Variants in RAB3C observed in about 807,000 individuals in gnomAD.
RAB3C encodes the protein ras-related protein Rab-3C.
A neutral mutation model predicts 26.4 loss-of-function variants in RAB3C; 17 were observed. The observed-to-expected ratio is 0.64, with a 90% confidence interval of 0.44 to 0.97. The LOEUF (loss-of-function observed/expected upper bound fraction) is 0.97. Ranked by LOEUF, RAB3C falls within the 50% of genes least tolerant of loss-of-function variation. The pLI, the probability that RAB3C is intolerant of heterozygous loss-of-function variation, is 0.00. For synonymous variants in RAB3C, 91 were observed against 95.9 expected, an observed-to-expected ratio of 0.95 and a Z score of 0.30; for missense variants, 242 against 281.9, an observed-to-expected ratio of 0.86 and a Z score of 1.01.
At chr5:58,684,542 G>A (rs1298683564) in intron 2 of RAB3C, among the ~76,000 whole-genome samples, 1 of 152,124 alleles carries the variant, frequency 6.6e-6, no homozygotes, top group Non-Finnish European at 1.5e-5. Flanking sequence ...TCTGGCTGTG[G>A]CTTAGCTGAA....
chr5:58,647,290 T>C (rs566368948), intron 2 of RAB3C, among the ~76,000 whole-genome samples: 5 of 152,300 alleles, frequency 3.3e-5, no homozygotes, highest in African/African-American at 1.2e-4. Flanking sequence ...TGGGGAGCCC[T>C]CAGGAAACTT....
chr5:58,614,493 A>G (rs1746783509), intron 1 of RAB3C, among the ~76,000 whole-genome samples: 1 of 151,142 alleles, frequency 6.6e-6, no homozygotes. Flanking sequence ...AAAAAAACCC[A>G]TGAACAGTCT....
At chr5:58,710,464 T>G (rs1749033274) in intron 2 of RAB3C, among the ~76,000 whole-genome samples, 1 of 151,642 alleles carries the variant, frequency 6.6e-6, no homozygotes, top group Non-Finnish European at 1.5e-5. Context: ...CCCAGCATGG[T>G]GGCACACGCC....
chr5:58,764,945 C>T (rs1022164251), intron 3 of RAB3C, among the ~76,000 whole-genome samples: 1 of 151,866 alleles, frequency 6.6e-6, no homozygotes, highest in Non-Finnish European at 1.5e-5. Flanking sequence ...GGCCTTAAGA[C>T]TTTTTTTTGC....
chr5:58,743,504 T>A (rs1400476491), intron 3 of RAB3C, among the ~76,000 whole-genome samples: 3 of 152,046 alleles, frequency 2.0e-5, no homozygotes, highest in Non-Finnish European at 4.4e-5. Flanking sequence ...CATCAACCCA[T>A]CATCTAGGTT....
intron 3 of RAB3C, among the ~76,000 whole-genome samples, chr5:58,742,283 G>A (rs1267748357): frequency 6.6e-6 from 1 of 152,160 alleles, no homozygotes; most frequent in Non-Finnish European, 1.5e-5. Flanking sequence ...TAAACGTAGT[G>A]CTAAGGCCAG....
At chr5:58,721,795 A>G (rs1237107857) in intron 2 of RAB3C, among the ~76,000 whole-genome samples, 1 of 151,716 alleles carries the variant, frequency 6.6e-6, no homozygotes, top group Admixed American at 6.6e-5. Flanking sequence ...TATTTTCCCT[A>G]CTTAGTGCAA....
In RAB3C at chr5:58,627,521, A is replaced by G. The variant is rs1246556924; in HGVS notation, c.252+9651A>G. Among the ~76,000 whole-genome samples the G allele has an allele frequency of 2.2e-5, 3 of 135,016 alleles. 1 individual carries two copies. The highest frequency in any genetic ancestry group is 4.9e-5 in the Non-Finnish European group (3 of 61,142). The allele number at this position is 135,016 out of a possible 152,430, so 88.6% of individuals were successfully genotyped here. ...AAAAAAAAAAAAAAAAAAAAAAAAC[A>G]CAGCTTAAATTCGGTGCAAATTAAG... On this transcript the variant is annotated intron_variant, in intron 2 of 4. Coordinates refer to ENST00000282878, the MANE Select transcript of RAB3C (RefSeq NM_138453.4).
chr5:58,603,227 T>C (rs1746494903), intron 1 of RAB3C, among the ~76,000 whole-genome samples: 1 of 152,226 alleles, frequency 6.6e-6, no homozygotes, highest in South Asian at 2.1e-4. Context: ...CTGGTGCTTC[T>C]GTCTCACAGC....
At chr5:58,604,763 T>C (rs560258102) in intron 1 of RAB3C, among the ~76,000 whole-genome samples, 1 of 152,346 alleles carries the variant, frequency 6.6e-6, no homozygotes, top group South Asian at 2.1e-4. Context: ...GCTTTAGTTC[T>C]TCCCCAGCCT....
chr5:58,809,969 A>T (rs1210272560), intron 3 of RAB3C, among the ~76,000 whole-genome samples: 1 of 152,222 alleles, frequency 6.6e-6, no homozygotes, highest in Non-Finnish European at 1.5e-5. Context: ...TCCGTTTCAC[A>T]TTGTTTGTGG....
chr5:58,835,883 C>A (rs1306396167), intron 4 of RAB3C, among the ~76,000 whole-genome samples: 1 of 152,206 alleles, frequency 6.6e-6, no homozygotes, highest in Non-Finnish European at 1.5e-5. Context: ...ATGGCTTTCT[C>A]ACACTAAATT....
intron 2 of RAB3C, among the ~76,000 whole-genome samples, chr5:58,705,323 G>C (rs1050527142): frequency 2.6e-5 from 4 of 152,102 alleles, no homozygotes; most frequent in Non-Finnish European, 5.9e-5. Flanking sequence ...GAATTCCATT[G>C]CACCAATTGG....
intron 2 of RAB3C, among the ~76,000 whole-genome samples, chr5:58,656,251 G>C (rs1747770228): frequency 6.6e-6 from 1 of 152,158 alleles, no homozygotes; most frequent in African/African-American, 2.4e-5. Flanking sequence ...CAAACCTACA[G>C]AATGGGATAA....
At chr5:58,616,597 A>G (rs746426513) in intron 1 of RAB3C, among the ~76,000 whole-genome samples, 6 of 152,154 alleles carry the variant, frequency 3.9e-5, no homozygotes, top group Non-Finnish European at 8.8e-5. Context: ...TGTAGAGACC[A>G]TTTTCTATTT....
chr5:58,669,517 G>A (rs1160479313), intron 2 of RAB3C, among the ~76,000 whole-genome samples: 2 of 152,112 alleles, frequency 1.3e-5, no homozygotes, highest in East Asian at 1.9e-4. Flanking sequence ...CAGTGATGGT[G>A]TAAATCCCAG....
At chr5:58,690,861 A>G (rs1725622264) in intron 2 of RAB3C, among the ~76,000 whole-genome samples, 2 of 152,188 alleles carry the variant, frequency 1.3e-5, no homozygotes. Context: ...CTATTAGTTT[A>G]TAATATGGTG....
chr5:58,667,302 C>T (rs561104400), intron 2 of RAB3C, among the ~76,000 whole-genome samples: 89 of 152,306 alleles, frequency 5.8e-4, no homozygotes, highest in Admixed American at 1.6e-3. Flanking sequence ...CTCTACTAAG[C>T]AGGCTTCTGG....
chr5:58,625,517 AC>A (rs1367445603), intron 2 of RAB3C, among the ~76,000 whole-genome samples: 8 of 152,268 alleles, frequency 5.3e-5, no homozygotes, highest in Admixed American at 5.2e-4. Flanking sequence ...CCCAATTCCT[AC>A]AGGACTTCTA....
Sources: allele counts gnomAD v4.1 joint callset (sites outside exome capture counted in the v4.1 genomes callset), GRCh38; gene constraint gnomAD v4.1.1; transcripts MANE v1.5; gene names NCBI Gene and HGNC (gene_info 2026-07-23, HGNC 2026-07-21).